The following SRRM3 variants were observed in gnomAD, a reference collection of about 807,000 sequenced individuals.
SRRM3 encodes the protein serine/arginine repetitive matrix protein 3.
In SRRM3, 27 loss-of-function variants were observed where a neutral mutation model predicts 66.2. The observed-to-expected ratio is 0.41, with a 90% confidence interval of 0.30 to 0.56. The LOEUF is 0.56. Ranked by LOEUF, SRRM3 falls within the 20% of genes least tolerant of loss-of-function variation. SRRM3 has a pLI of 0.32. For synonymous variants in SRRM3, 391 were observed against 414.9 expected, an observed-to-expected ratio of 0.94 and a Z score of 0.70; for missense variants, 918 against 991.9, an observed-to-expected ratio of 0.93 and a Z score of 1.00.
chr7:76,235,410 CGGGGCTA>C, intron 2 of SRRM3, 111 bp downstream of exon 2: 1 of 896,470 alleles, frequency 1.1e-6, no homozygotes, highest in Non-Finnish European at 1.6e-6. Flanking sequence ...GGGAGAAGGG[CGGGGCTA>C]GGGGCTATTA....
intron 10 of SRRM3, among the ~76,000 whole-genome samples, chr7:76,267,040 C>A (rs1227788608): frequency 3.3e-5 from 5 of 152,072 alleles, no homozygotes; most frequent in Non-Finnish European, 5.9e-5. Flanking sequence ...TGCCCTAAGG[C>A]CCCTAAGCCT....
At position 76,286,128 on chromosome 7, in the gene SRRM3, C is replaced by G. The variant is rs1802668723; in HGVS notation, c.*285C>G. 1 of 512,182 alleles carries G rather than the reference C, an allele frequency of 2.0e-6. No individual in the cohort carries two copies. Among genetic ancestry groups the G allele is most frequent in the Non-Finnish European group, 3.6e-6 (1 of 278,442 alleles). The allele number at this position is 512,182 out of a possible 1,614,324, so 31.7% of individuals were successfully genotyped here. On this transcript the variant is annotated 3_prime_UTR_variant, in exon 15 of 15. Transcript: ENST00000611745. ...TTACGAACACAGGAATCTCCCCATCCCCCTTCCTGCTGATGCCAACTCACC... is the reference window on the plus strand; with the variant it reads ...TTACGAACACAGGAATCTCCCCATCGCCCTTCCTGCTGATGCCAACTCACC...
chr7:76,254,642 C>T (rs1801660887), intron 3 of SRRM3, among the ~76,000 whole-genome samples: 1 of 152,058 alleles, frequency 6.6e-6, no homozygotes, highest in Non-Finnish European at 1.5e-5. Flanking sequence ...TTGTAAATAA[C>T]CTTCATCATT....
chr7:76,244,216 G>A (rs541521469), intron 2 of SRRM3, among the ~76,000 whole-genome samples: 80 of 152,164 alleles, frequency 5.3e-4, no homozygotes, highest in Non-Finnish European at 1.0e-3. Flanking sequence ...TGGGGGTCAG[G>A]GGACACCTGC....
intron 1 of SRRM3, among the ~76,000 whole-genome samples, chr7:76,234,413 C>G (rs574528815): frequency 1.7e-4 from 26 of 152,274 alleles, no homozygotes; most frequent in African/African-American, 6.3e-4. Flanking sequence ...TGGGCCCAAT[C>G]TGGGTGAGCC....
At chr7:76,241,628 C>T (rs909672192) in intron 2 of SRRM3, among the ~76,000 whole-genome samples, 5 of 152,158 alleles carry the variant, frequency 3.3e-5, no homozygotes, top group Admixed American at 1.3e-4. Context: ...CTTGGCCTCC[C>T]GAGTAGCTGG....
At chr7:76,241,575 C>T (rs1554605639) in intron 2 of SRRM3, among the ~76,000 whole-genome samples, 1 of 152,204 alleles carries the variant, frequency 6.6e-6, no homozygotes, top group Non-Finnish European at 1.5e-5. Flanking sequence ...GCAATCTCAG[C>T]TCACTGCAAC....
chr7:76,235,310 C>T lies in SRRM3; in HGVS notation c.233+11C>T. The T allele has an allele frequency of 6.8e-7, 1 of 1,462,508 alleles. No homozygotes were observed. The highest frequency in any genetic ancestry group is 9.1e-7 in the Non-Finnish European group (1 of 1,104,568). 90.6% of individuals were successfully genotyped at this position (1,462,508 alleles called of 1,614,324 possible). A position where few individuals can be genotyped will look rare whatever the true frequency, so the allele number is the denominator to read the frequency against. ...GATGGAGGAGCAGGGGTGAGCAGGC[C>T]GCGGGGCGGGACTGGGGTGGGGAGA... is the stretch of plus-strand genomic sequence containing the variant. On this transcript the variant is annotated intron_variant, in intron 2 of 14. Coordinates refer to ENST00000611745, the MANE Select transcript of SRRM3 (RefSeq NM_001110199.3).
At chr7:76,242,797 T>G (rs1214404623) in intron 2 of SRRM3, among the ~76,000 whole-genome samples, 4 of 152,124 alleles carry the variant, frequency 2.6e-5, no homozygotes, top group Non-Finnish European at 5.9e-5. Flanking sequence ...CCCACTCCTA[T>G]GAGAATCTAA....
intron 3 of SRRM3, among the ~76,000 whole-genome samples, chr7:76,258,349 G>A (rs1293819086): frequency 1.3e-5 from 2 of 152,226 alleles, no homozygotes; most frequent in African/African-American, 4.8e-5. Context: ...ACACCCAGGT[G>A]AGGAAAGACC....
chr7:76,242,297 C>T (rs935378946), intron 2 of SRRM3, among the ~76,000 whole-genome samples: 1 of 152,180 alleles, frequency 6.6e-6, no homozygotes, highest in East Asian at 1.9e-4. Flanking sequence ...CCAGCCTGAC[C>T]AACATGGAGA....
chr7:76,210,113 G>A (rs148947895), intron 1 of SRRM3, among the ~76,000 whole-genome samples: 2 of 152,150 alleles, frequency 1.3e-5, no homozygotes, highest in South Asian at 2.1e-4. Context: ...CCACTGAAAG[G>A]GGGTACAGGA....
intron 14 of SRRM3, among the ~76,000 whole-genome samples, chr7:76,283,966 C>A (rs949719991): frequency 2.6e-5 from 4 of 152,290 alleles, no homozygotes; most frequent in African/African-American, 9.6e-5. Context: ...CTTGGGAGAT[C>A]GGTGTGCCTC....
rs1802518023 is a variant in SRRM3 at position 76,281,761 on chromosome 7, C to G, written c.1329C>G (p.Pro443=). 2.2e-6 allele frequency: 3 copies of G among 1,378,232 alleles called. No individual in the cohort carries two copies. Among genetic ancestry groups the G allele is most frequent in the Non-Finnish European group, 2.8e-6 (3 of 1,064,832 alleles). 85.4% of individuals were successfully genotyped at this position (1,378,232 alleles called of 1,614,324 possible). A position where few individuals can be genotyped will look rare whatever the true frequency, so the allele number is the denominator to read the frequency against. Residue 443 remains proline, a synonymous_variant, in exon 12 of 15, where the codon CCC becomes CCG. Transcript: ENST00000611745. ...GSGRGAPGPG[P]EPGSERGHGG... is the part of the protein sequence containing the mutation. ...GCCGCGGCGCCCCCGGCCCCGGGCC[C>G]GAGCCCGGCTCTGAGCGAGGCCACG... is the stretch of plus-strand genomic sequence containing the variant.
intron 5 of SRRM3, 118 bp from the exon 6 acceptor site, chr7:76,260,756 C>A: frequency 1.0e-6 from 1 of 983,132 alleles, no homozygotes; most frequent in Non-Finnish European, 1.5e-6. Context: ...GCCTCATCTG[C>A]CATCCCCGAA....
chr7:76,253,350 G>A (rs1432735560), intron 3 of SRRM3, among the ~76,000 whole-genome samples: 3 of 151,970 alleles, frequency 2.0e-5, no homozygotes, highest in Non-Finnish European at 4.4e-5. Context: ...GGCTGGGCAC[G>A]GTGGCTCAAG....
At chr7:76,206,317 G>A (rs1800301026) in intron 1 of SRRM3, among the ~76,000 whole-genome samples, 1 of 152,172 alleles carries the variant, frequency 6.6e-6, no homozygotes, top group Non-Finnish European at 1.5e-5. Context: ...GGGAAGGGAA[G>A]GTGTTTGGGG....
At chr7:76,222,406 G>T (rs1554603310) in intron 1 of SRRM3, among the ~76,000 whole-genome samples, 2 of 124,268 alleles carry the variant, frequency 1.6e-5, no homozygotes, top group East Asian at 2.4e-4. Flanking sequence ...AGGAGACCCC[G>T]TCTCAAAAAA....
At chr7:76,219,807 G>A (rs782383178) in intron 1 of SRRM3, among the ~76,000 whole-genome samples, 1 of 152,128 alleles carries the variant, frequency 6.6e-6, no homozygotes, top group Non-Finnish European at 1.5e-5. Flanking sequence ...CTACTTGGGT[G>A]GCTAAGGCAT....
Sources: allele counts gnomAD v4.1 joint callset (sites outside exome capture counted in the v4.1 genomes callset), GRCh38; gene constraint gnomAD v4.1.1; transcripts MANE v1.5; gene names NCBI Gene and HGNC (gene_info 2026-07-23, HGNC 2026-07-21).